Variants in GRM7 observed in about 807,000 individuals in gnomAD.
GRM7 encodes the protein metabotropic glutamate receptor 7.
In GRM7, 35 loss-of-function variants were observed where a neutral mutation model predicts 84.5. The observed-to-expected ratio is 0.41, with a 90% CI of 0.32 to 0.55. The LOEUF (loss-of-function observed/expected upper bound fraction) is 0.55. GRM7 is among the 20% of genes least tolerant of loss of function. The probability of loss-of-function intolerance (pLI) is 0.19; values close to 1 mark genes in which losing one functional copy is unlikely to be tolerated. For missense variants in GRM7, 1,003 were observed against 1,194.6 expected (o/e 0.84, Z 2.36); for synonymous variants, 487 against 455.1 (o/e 1.07, Z -0.89).
intron 1 of GRM7, among the ~76,000 whole-genome samples, chr3:6,990,286 A>G (rs1694585598): frequency 6.6e-6 from 1 of 152,212 alleles, no homozygotes; most frequent in African/African-American, 2.4e-5. Flanking sequence ...TGAAAATTCC[A>G]TGAGAAGAAA....
chr3:7,156,512 G>T (rs1045753522), intron 2 of GRM7, among the ~76,000 whole-genome samples: 1 of 152,076 alleles, frequency 6.6e-6, no homozygotes, highest in Non-Finnish European at 1.5e-5. Context: ...CACTTTGACC[G>T]GCTTTTGACT....
At chr3:7,475,999 G>GA (rs1283406481) in intron 7 of GRM7, among the ~76,000 whole-genome samples, 1 of 151,984 alleles carries the variant, frequency 6.6e-6, no homozygotes, top group East Asian at 1.9e-4. Context: ...TTTATTTTCT[G>GA]AAAAAAATGG....
intron 1 of GRM7, among the ~76,000 whole-genome samples, chr3:7,001,861 T>A (rs957752235): frequency 6.6e-6 from 1 of 152,180 alleles, no homozygotes; most frequent in Non-Finnish European, 1.5e-5. Flanking sequence ...CACTTGCAGG[T>A]AGAAGTCCCA....
intron 9 of GRM7, among the ~76,000 whole-genome samples, chr3:7,706,607 G>A (rs1444031026): frequency 1.3e-5 from 2 of 152,170 alleles, no homozygotes; most frequent in East Asian, 3.9e-4. Flanking sequence ...CAAGCGAAGT[G>A]TCAAATGTGG....
At chr3:7,400,935 C>A (rs1695422479) in intron 4 of GRM7, among the ~76,000 whole-genome samples, 3 of 152,014 alleles carry the variant, frequency 2.0e-5, no homozygotes, top group Admixed American at 2.0e-4. Context: ...AATAATATAT[C>A]ATTCTTAGCC....
chr3:7,361,132 T>G (rs186341695), intron 4 of GRM7, among the ~76,000 whole-genome samples: 43 of 152,284 alleles, frequency 2.8e-4, no homozygotes, highest in African/African-American at 1.0e-3. Context: ...GTTTCTTTTC[T>G]TATTCGTTGA....
intron 8 of GRM7, among the ~76,000 whole-genome samples, chr3:7,618,827 C>CATT (rs1559443395): frequency 6.6e-6 from 1 of 152,098 alleles, no homozygotes; most frequent in African/African-American, 2.4e-5. Flanking sequence ...GATGATAATA[C>CATT]AGAAGGTCCA....
At chr3:6,970,843 G>T (rs565574753) in intron 1 of GRM7, among the ~76,000 whole-genome samples, 6 of 152,094 alleles carry the variant, frequency 3.9e-5, no homozygotes, top group African/African-American at 1.4e-4. Flanking sequence ...TTAGCCGGGC[G>T]TGGTGGCGGG....
intron 7 of GRM7, among the ~76,000 whole-genome samples, chr3:7,530,759 TTCTTA>T (rs1701006984): frequency 6.6e-6 from 1 of 152,086 alleles, no homozygotes; most frequent in Non-Finnish European, 1.5e-5. Flanking sequence ...GGAGTGTCTG[TTCTTA>T]TCTTTTGTCC....
intron 4 of GRM7, among the ~76,000 whole-genome samples, chr3:7,379,789 A>G (rs1694511460): frequency 6.6e-6 from 1 of 152,114 alleles, no homozygotes; most frequent in Admixed American, 6.6e-5. Context: ...GTTGTCCTAC[A>G]TCCTTGCTTG....
intron 5 of GRM7, among the ~76,000 whole-genome samples, chr3:7,424,546 A>T (rs531481831): frequency 7.9e-5 from 12 of 152,122 alleles, no homozygotes; most frequent in Admixed American, 1.3e-4. Context: ...AAAGACCAGA[A>T]CCTTGGAGAC....
At chr3:6,970,705 C>T (rs1320372996) in intron 1 of GRM7, among the ~76,000 whole-genome samples, 2 of 152,000 alleles carry the variant, frequency 1.3e-5, no homozygotes, top group Non-Finnish European at 2.9e-5. Flanking sequence ...AGAGGCCAGG[C>T]GCAGTGGCTC....
rs1050266706 is a variant in GRM7, at chr3:7,172,926, TATA to T, written c.736+26269_736+26271del. On this transcript the variant is annotated intron_variant, in intron 2 of 9. Coordinates refer to ENST00000357716, the MANE Select transcript of GRM7 (RefSeq NM_000844.4). ...ATACACATATACATATCTATGCTAT[TATA>T]ATAATAATAACAGATACACATAATT... is the stretch of plus-strand genomic sequence containing the variant. Among the ~76,000 whole-genome samples the T allele has an allele frequency of 2.3e-4, 35 of 152,190 alleles. 3 individuals carry two copies. Among genetic ancestry groups the T allele is most frequent in the Admixed American group, 1.4e-3 (22 of 15,288 alleles).
intron 4 of GRM7, among the ~76,000 whole-genome samples, chr3:7,402,655 T>G (rs1228588163): frequency 6.6e-6 from 1 of 152,194 alleles, no homozygotes; most frequent in Non-Finnish European, 1.5e-5. Context: ...TGACCTTTGA[T>G]GTGAAATTGA....
At chr3:7,441,295 G>A (rs1575340272) in intron 5 of GRM7, among the ~76,000 whole-genome samples, 1 of 152,096 alleles carries the variant, frequency 6.6e-6, no homozygotes, top group African/African-American at 2.4e-5. Flanking sequence ...CTTTTGAAAA[G>A]AAGTGTCTGT....
At chr3:7,166,235 G>T (rs1694794183) in intron 2 of GRM7, among the ~76,000 whole-genome samples, 1 of 151,772 alleles carries the variant, frequency 6.6e-6, no homozygotes, top group South Asian at 2.1e-4. Context: ...TTTAAATAAA[G>T]TTTTTTTTGA....
Position 7,360,137 on chromosome 3 carries a change from CTG to C in GRM7, c.1033+53520_1033+53521del, listed in dbSNP as rs58123164. Among the ~76,000 whole-genome samples, 1,332 of 135,866 alleles carry C rather than the reference CTG, an allele frequency of 9.8e-3. 68 individuals are homozygous for C. Among genetic ancestry groups the C allele is most frequent in the East Asian group, 0.029 (145 of 4,932 alleles). The allele number at this position is 135,866 out of a possible 152,430, so 89.1% of individuals were successfully genotyped here. A position where few individuals can be genotyped will look rare whatever the true frequency, so the allele number is the denominator to read the frequency against. On this transcript the variant is annotated intron_variant, in intron 4 of 9. Transcript: ENST00000357716. The stretch of plus-strand genomic sequence containing the variant: ...CTTTCTCCCCCCCTTTTTTTTCCCT[CTG>C]TGTGTGTGTGTGTGTGTGTGTGTGT...
At chr3:7,252,684 T>TTCTTTTTTTC (rs6147696) in intron 2 of GRM7, among the ~76,000 whole-genome samples, 1 of 118,236 alleles carries the variant, frequency 8.5e-6, no homozygotes, top group African/African-American at 3.3e-5. Context: ...TTCTTTTCTT[T>TTCTTTTTTTC]TTTTCTTTTC....
chr3:7,202,358 T>G (rs914065370), intron 2 of GRM7, among the ~76,000 whole-genome samples: 3 of 152,156 alleles, frequency 2.0e-5, no homozygotes, highest in Non-Finnish European at 4.4e-5. Context: ...TGAGACAGAG[T>G]CTCACTCTGT....
Sources: gnomAD v4.1 joint callset for allele counts (sites outside exome capture counted in the v4.1 genomes callset) on GRCh38, gnomAD v4.1.1 for gene constraint, MANE v1.5 for transcripts, NCBI Gene and HGNC (gene_info 2026-07-23, HGNC 2026-07-21) for gene names.